The following SHISA6 variants were observed in gnomAD, a reference collection of about 807,000 sequenced individuals.
SHISA6 encodes shisa family member 6.
SHISA6 carries 22 observed loss-of-function variants against 47.9 expected under a neutral mutation model. That is an observed-to-expected ratio of 0.46 (90% CI 0.33 to 0.66). SHISA6 has a LOEUF of 0.66. Ranked by LOEUF, SHISA6 falls within the 30% of genes least tolerant of loss-of-function variation. The pLI, the probability that SHISA6 is intolerant of heterozygous loss-of-function variation, is 0.02. For synonymous variants in SHISA6, 388 were observed against 337.8 expected (o/e 1.15, Z -1.63); for missense variants, 680 against 764.6 (o/e 0.89, Z 1.30).
intron 3 of SHISA6, among the ~76,000 whole-genome samples, chr17:11,495,193 C>T (rs182931453): frequency 5.4e-4 from 83 of 152,310 alleles, no homozygotes; most frequent in African/African-American, 1.9e-3. Context: ...GGTGTCTATT[C>T]ATCAAACAGC....
intron 3 of SHISA6, among the ~76,000 whole-genome samples, chr17:11,395,176 T>A (rs1913528774): frequency 6.6e-6 from 1 of 151,914 alleles, no homozygotes; most frequent in Non-Finnish European, 1.5e-5. Context: ...AGCCACAGTA[T>A]GCTTATCAAA....
intron 3 of SHISA6, among the ~76,000 whole-genome samples, chr17:11,465,652 A>G (rs1275135309): frequency 6.6e-6 from 1 of 151,898 alleles, no homozygotes; most frequent in Admixed American, 6.6e-5. Flanking sequence ...CATGGCGCAC[A>G]CCTCCACTCA....
chr17:11,318,547 C>T (rs1910598911), intron 2 of SHISA6, among the ~76,000 whole-genome samples: 1 of 152,186 alleles, frequency 6.6e-6, no homozygotes, highest in South Asian at 2.1e-4. Flanking sequence ...ACCCTCCTGG[C>T]TTGCACTGCT....
At chr17:11,245,510 T>G (rs1364791588) in intron 1 of SHISA6, among the ~76,000 whole-genome samples, 1 of 152,220 alleles carries the variant, frequency 6.6e-6, no homozygotes, top group African/African-American at 2.4e-5. Flanking sequence ...CATTCATTTT[T>G]GTGCTAGCTG....
chr17:11,524,961 CG>C (rs57883932), intron 3 of SHISA6, among the ~76,000 whole-genome samples: 5 of 151,892 alleles, frequency 3.3e-5, no homozygotes, highest in East Asian at 1.9e-4. Context: ...CCTGAGATGA[CG>C]GGGGGGTAGA....
At chr17:11,522,265 C>T (rs976202025) in intron 3 of SHISA6, among the ~76,000 whole-genome samples, 2 of 151,284 alleles carry the variant, frequency 1.3e-5, no homozygotes, top group African/African-American at 4.9e-5. Context: ...ATGCCTGGCC[C>T]TATTATTATT....
chr17:11,442,318 G>A (rs914154621), intron 3 of SHISA6, among the ~76,000 whole-genome samples: 3 of 121,746 alleles, frequency 2.5e-5, no homozygotes, highest in African/African-American at 7.9e-5. Context: ...GGGTCTACCC[G>A]CCAATCGAGA....
intron 3 of SHISA6, among the ~76,000 whole-genome samples, chr17:11,479,842 AAG>A (rs1205999915): frequency 6.6e-6 from 1 of 151,926 alleles, no homozygotes; most frequent in Non-Finnish European, 1.5e-5. Context: ...TATGAGAAAT[AAG>A]AGTTTTTATT....
At chr17:11,288,855 C>A (rs1909418644) in intron 2 of SHISA6, 1 of 152,132 alleles carries the variant, frequency 6.6e-6, no homozygotes, top group East Asian at 1.9e-4. Flanking sequence ...ACTGCACTGG[C>A]TGACCCGAAA....
intron 3 of SHISA6, among the ~76,000 whole-genome samples, chr17:11,502,030 A>C (rs2071457758): frequency 6.6e-6 from 1 of 152,166 alleles, no homozygotes; most frequent in Non-Finnish European, 1.5e-5. Context: ...GGGCTTTAGG[A>C]ACAAAGAGAA....
chr17:11,304,962 T>C (rs1222546346), intron 2 of SHISA6, among the ~76,000 whole-genome samples: 1 of 152,222 alleles, frequency 6.6e-6, no homozygotes, highest in African/African-American at 2.4e-5. Flanking sequence ...CATGTTTCGA[T>C]GCACAGCTTT....
chr17:11,457,668 G>A (rs769225837), intron 3 of SHISA6, among the ~76,000 whole-genome samples: 10 of 151,674 alleles, frequency 6.6e-5, no homozygotes, highest in Non-Finnish European at 1.3e-4. Flanking sequence ...TTGAACCCGG[G>A]TGGTGGAGGT....
chr17:11,242,187 C>T lies in SHISA6; in HGVS notation c.638+127C>T, dbSNP rs958405212. 3.9e-6 allele frequency: 5 copies of T among 1,291,958 alleles called. No homozygotes were observed. The East Asian group carries it at 7.6e-5, about 20-fold the overall frequency. 80.0% of individuals were successfully genotyped at this position (1,291,958 alleles called of 1,614,324 possible). A position where few individuals can be genotyped will look rare whatever the true frequency, so the allele number is the denominator to read the frequency against. The stretch of plus-strand genomic sequence containing the variant: ...GGCCCTCTAGTCATTTCCACCATCG[C>T]TCCTTTTGCATGCAATAAATCAGGG... On this transcript the variant is annotated intron_variant, in intron 1 of 5. Coordinates refer to ENST00000441885, the MANE Select transcript of SHISA6 (RefSeq NM_207386.4).
chr17:11,476,333 A>T (rs754950993), intron 3 of SHISA6, among the ~76,000 whole-genome samples: 5 of 150,778 alleles, frequency 3.3e-5, no homozygotes, highest in Non-Finnish European at 7.4e-5. Flanking sequence ...TTCATTTTGG[A>T]GTTAATTTGC....
chr17:11,397,774 C>CT (rs757766725), intron 3 of SHISA6, among the ~76,000 whole-genome samples: 22 of 149,474 alleles, frequency 1.5e-4, no homozygotes, highest in Admixed American at 2.7e-4. Flanking sequence ...TTTTCTTTCT[C>CT]TTTGAAGTCT....
chr17:11,558,299 G>T lies in SHISA6; in HGVS notation c.1651G>T (p.Val551Leu). The part of the protein sequence containing the change: ...CYTASKTEVT[V>L] ...CACAGCCAGCAAGACCGAAGTGACC[G>T]TGTGACCGGCGGGGCAGGGCCGGGG... is the stretch of plus-strand genomic sequence containing the variant. Residue 551 changes from valine to leucine, a missense_variant, in exon 6 of 6, where the codon GTG (valine) becomes TTG (leucine). Coordinates refer to ENST00000441885, the MANE Select transcript of SHISA6 (RefSeq NM_207386.4). 6.5e-7 allele frequency: 1 copy of T among 1,538,066 alleles called. No individual in the cohort carries two copies.
chr17:11,494,208 C>A (rs2193116), intron 3 of SHISA6, among the ~76,000 whole-genome samples: 16,442 of 152,064 alleles, frequency 0.11, 1,036 homozygotes, highest in African/African-American at 0.16. Flanking sequence ...CCCCAGCTTC[C>A]CTGATAGCCC....
chr17:11,490,271 G>A lies in SHISA6; in HGVS notation c.896-61625G>A, dbSNP rs138203157. ...GGCAAAAGTTGGGGAGAGGAGCAGAGCAGAGTGGTGAATAATCACAACGGT... is the reference window on the plus strand; with the variant it reads ...GGCAAAAGTTGGGGAGAGGAGCAGAACAGAGTGGTGAATAATCACAACGGT... On this transcript the variant is annotated intron_variant, in intron 3 of 5. Coordinates refer to ENST00000441885, the MANE Select transcript of SHISA6 (RefSeq NM_207386.4). Among the ~76,000 whole-genome samples, 684 of 152,304 alleles carry A rather than the reference G, an allele frequency of 4.5e-3. 3 individuals carry two copies. The highest frequency in any genetic ancestry group is 0.027 in the Middle Eastern group (8 of 292).
At position 11,306,591 on chromosome 17, in the gene SHISA6, C is replaced by T. The variant is rs78298580; in HGVS notation, c.799+43065C>T. On this transcript the variant is annotated intron_variant, in intron 2 of 5. Coordinates refer to ENST00000441885, the MANE Select transcript of SHISA6 (RefSeq NM_207386.4). ...GCACCTGAGTGGGCATTGGTGAGCC[C>T]GCCCTTTGGAGTCTGAAAACTTCGT... is the stretch of plus-strand genomic sequence containing the variant. Among the ~76,000 whole-genome samples the T allele has an allele frequency of 7.7e-3, 1,173 of 152,220 alleles. 15 individuals carry two copies. The highest frequency in any genetic ancestry group is 0.027 in the African/African-American group (1,134 of 41,520).
Sources: gnomAD v4.1 joint callset for allele counts (sites outside exome capture counted in the v4.1 genomes callset) on GRCh38, gnomAD v4.1.1 for gene constraint, MANE v1.5 for transcripts, NCBI Gene and HGNC (gene_info 2026-07-23, HGNC 2026-07-21) for gene names.